Variants in COX7B2 observed in about 807,000 individuals in gnomAD.
COX7B2 encodes cytochrome c oxidase subunit 7B2, mitochondrial.
For missense variants in COX7B2, 109 were observed against 95.9 expected (o/e 1.14, Z -0.57); for synonymous variants, 37 against 32.1 (o/e 1.15, Z -0.51).
chr4:46,743,227 T>C (rs73815403), intron 2 of COX7B2, among the ~76,000 whole-genome samples: 6 of 152,188 alleles, frequency 3.9e-5, no homozygotes, highest in African/African-American at 1.4e-4. Context: ...ACAGTACCTT[T>C]CAAATATGTA....
At chr4:46,845,201 A>C (rs1054424138) in intron 1 of COX7B2, among the ~76,000 whole-genome samples, 187 bp from the exon 2 acceptor site, 5 of 152,004 alleles carry the variant, frequency 3.3e-5, no homozygotes, top group Admixed American at 6.6e-5. Context: ...AAGCATCGTA[A>C]AGCACATGAC....
In COX7B2 at chr4:46,908,349, C is replaced by T. The variant is rs570263685; in HGVS notation, c.-105+811G>A. ...TTTCAAAGCCAAGCAGCAATAATCA[C>T]GTGACCAACACCCGTTTAATAGGGA... On this transcript the variant is annotated intron_variant, in intron 1 of 2. Transcript: ENST00000355591. Among the ~76,000 whole-genome samples, 229 of 152,186 alleles carry T rather than the reference C, an allele frequency of 1.5e-3. 11 individuals are homozygous for T. In the South Asian group the frequency reaches 0.046, roughly 31 times the overall value.
In COX7B2 at chr4:46,855,951, A is replaced by T. The variant is rs539833847; in HGVS notation, c.-104-10937T>A. On this transcript the variant is annotated intron_variant, in intron 1 of 2. Coordinates refer to ENST00000355591, the MANE Select transcript of COX7B2 (RefSeq NM_130902.3). ...TAATAAGACAAATTAATATTTATTT[A>T]AAAAATCCCTGGCTGGGCGCGGTGG... 1.6e-4 allele frequency among the ~76,000 whole-genome samples: 25 copies of T among 152,260 alleles called. No individual in the cohort carries two copies. The Middle Eastern group carries it at 0.01, about 62-fold the overall frequency.
rs1158181893 is a variant in COX7B2 at position 46,747,870 on chromosome 4, C to CTGGTGGAGCCA, written c.-49-12630_-49-12629insTGGCTCCACCA. Among the ~76,000 whole-genome samples, 4 of 152,182 alleles carry CTGGTGGAGCCA rather than the reference C, an allele frequency of 2.6e-5. No homozygotes were observed. In the South Asian group the frequency reaches 6.3e-4, roughly 24 times the overall value. ...ATGTTGTAATCACCATAAAATTTGT[C>CTGGTGGAGCCA]TTTAACGTTACTATGAAATAATAGC... On this transcript the variant is annotated intron_variant, in intron 2 of 2. Coordinates refer to ENST00000355591, the MANE Select transcript of COX7B2 (RefSeq NM_130902.3).
At chr4:46,805,133 C>T (rs1718928804) in intron 2 of COX7B2, among the ~76,000 whole-genome samples, 4 of 152,230 alleles carry the variant, frequency 2.6e-5, no homozygotes. Context: ...GCGCTGGCCT[C>T]CAAGCACCGG....
chr4:46,812,741 G>C (rs547977128), intron 2 of COX7B2, among the ~76,000 whole-genome samples: 3 of 152,132 alleles, frequency 2.0e-5, no homozygotes, highest in Non-Finnish European at 4.4e-5. Flanking sequence ...CCACAGCTCA[G>C]CCAATGCTCT....
intron 2 of COX7B2, among the ~76,000 whole-genome samples, chr4:46,786,355 T>A (rs921045305): frequency 6.6e-6 from 1 of 152,242 alleles, no homozygotes; most frequent in South Asian, 2.1e-4. Flanking sequence ...ACTCTTCCAT[T>A]GTTGAACACT....
intron 2 of COX7B2, among the ~76,000 whole-genome samples, chr4:46,810,852 C>T (rs1719251067): frequency 6.6e-6 from 1 of 152,122 alleles, no homozygotes; most frequent in South Asian, 2.1e-4. Flanking sequence ...ATTCTCTTGG[C>T]TTATGCTTGT....
At chr4:46,800,029 G>C (rs951318864) in intron 2 of COX7B2, among the ~76,000 whole-genome samples, 1 of 151,874 alleles carries the variant, frequency 6.6e-6, no homozygotes, top group South Asian at 2.1e-4. Flanking sequence ...TTCAGAACTC[G>C]TTATTAGTCT....
intron 2 of COX7B2, among the ~76,000 whole-genome samples, chr4:46,783,652 T>G (rs1717598436): frequency 6.6e-6 from 1 of 152,152 alleles, no homozygotes; most frequent in Non-Finnish European, 1.5e-5. Flanking sequence ...TAAGGAAAAC[T>G]CACACATGCT....
intron 2 of COX7B2, among the ~76,000 whole-genome samples, chr4:46,755,132 T>A (rs1715703865): frequency 6.6e-6 from 1 of 151,962 alleles, no homozygotes; most frequent in Admixed American, 6.6e-5. Context: ...GATGGTTCAA[T>A]ATACTCATAT....
intron 2 of COX7B2, among the ~76,000 whole-genome samples, chr4:46,739,304 C>G (rs753509149): frequency 4.4e-4 from 67 of 152,016 alleles, no homozygotes; most frequent in Non-Finnish European, 8.7e-4. Flanking sequence ...GTGTATTCAA[C>G]TCTGAGTATT....
chr4:46,895,587 G>T (rs1469383123), intron 1 of COX7B2, among the ~76,000 whole-genome samples: 2 of 152,010 alleles, frequency 1.3e-5, no homozygotes, highest in East Asian at 3.9e-4. Context: ...CAACAAATCC[G>T]CATGACGCTA....
chr4:46,843,088 A>G (rs1017922359), intron 2 of COX7B2, among the ~76,000 whole-genome samples: 3 of 151,892 alleles, frequency 2.0e-5, no homozygotes, highest in African/African-American at 7.2e-5. Context: ...TTTAATGATC[A>G]CCATTCTAAC....
At chr4:46,747,209 C>T (rs574261404) in intron 2 of COX7B2, among the ~76,000 whole-genome samples, 2 of 152,230 alleles carry the variant, frequency 1.3e-5, no homozygotes, top group African/African-American at 4.8e-5. Flanking sequence ...TTCTCCCGCC[C>T]TCCACCCTCC....
chr4:46,888,778 A>G (rs1213373789), intron 1 of COX7B2, among the ~76,000 whole-genome samples: 3 of 152,088 alleles, frequency 2.0e-5, no homozygotes, highest in Non-Finnish European at 4.4e-5. Flanking sequence ...TTGTATTGAT[A>G]TTACTTCCCT....
At chr4:46,744,962 G>T (rs534925439) in intron 2 of COX7B2, among the ~76,000 whole-genome samples, 1 of 152,028 alleles carries the variant, frequency 6.6e-6, no homozygotes, top group South Asian at 2.1e-4. Context: ...GAATTCCTGA[G>T]CTCAGGCAAT....
At chr4:46,771,916 G>A (rs550307039) in intron 2 of COX7B2, among the ~76,000 whole-genome samples, 2 of 152,206 alleles carry the variant, frequency 1.3e-5, no homozygotes, top group African/African-American at 4.8e-5. Context: ...TGAGTATCAT[G>A]TTGGTGCTCA....
intron 2 of COX7B2, among the ~76,000 whole-genome samples, chr4:46,814,296 T>C (rs1285646951): frequency 1.3e-5 from 2 of 152,250 alleles, no homozygotes; most frequent in Non-Finnish European, 2.9e-5. Flanking sequence ...CCATTTTGTT[T>C]CCTTATTCAC....
Sources: gnomAD v4.1 joint callset for allele counts (sites outside exome capture counted in the v4.1 genomes callset) on GRCh38, gnomAD v4.1.1 for gene constraint, MANE v1.5 for transcripts, NCBI Gene and HGNC (gene_info 2026-07-23, HGNC 2026-07-21) for gene names.